The following TENM3 variants were observed in gnomAD, a reference collection of about 807,000 sequenced individuals.
The protein encoded by TENM3 is teneurin transmembrane protein 3, also known as teneurin-3.
Under a neutral mutation model 255.1 loss-of-function variants are expected in TENM3, and 63 were observed. That is an observed-to-expected ratio of 0.25 (90% CI 0.20 to 0.30). TENM3 has a LOEUF of 0.30. TENM3 is among the 10% of genes least tolerant of loss of function. The probability of loss-of-function intolerance (pLI) is 1.00; values close to 1 mark genes in which losing one functional copy is unlikely to be tolerated. For missense variants in TENM3, 2,929 were observed against 3,461.1 expected (o/e 0.85, Z 3.86); for synonymous variants, 1,306 against 1,322.3 (o/e 0.99, Z 0.27).
At chr4:182,047,418 G>A in the TENM3 span, among the ~76,000 whole-genome samples, 11 of 151,668 alleles carry the variant, frequency 7.3e-5, no homozygotes, top group Middle Eastern at 3.2e-3. Context: ...AAAAATTAGC[G>A]GGGCGTGGTG....
intron 16 of TENM3, among the ~76,000 whole-genome samples, chr4:182,731,942 A>C (rs901677377): frequency 4.0e-5 from 6 of 151,742 alleles, no homozygotes; most frequent in Non-Finnish European, 5.9e-5. Flanking sequence ...CCACCAAGCC[A>C]AGCTAATTTT....
At chr4:181,494,317 T>A in the TENM3 span, among the ~76,000 whole-genome samples, 2 of 152,172 alleles carry the variant, frequency 1.3e-5, no homozygotes, top group Non-Finnish European at 2.9e-5. Context: ...AGAGTTTTGC[T>A]CTTGTTGCCC....
the TENM3 span, among the ~76,000 whole-genome samples, chr4:182,076,221 T>C: frequency 2.7e-5 from 4 of 149,834 alleles, no homozygotes; most frequent in Admixed American, 2.0e-4. Context: ...TTCTTTTTTT[T>C]TTTTTTTTTT....
chr4:182,796,290 C>T (rs1007860887), intron 26 of TENM3, among the ~76,000 whole-genome samples: 9 of 152,194 alleles, frequency 5.9e-5, no homozygotes, highest in Non-Finnish European at 1.2e-4. Context: ...AAATAAATTT[C>T]GTTTCTTTTC....
intron 1 of TENM3, among the ~76,000 whole-genome samples, chr4:182,233,103 CAG>C (rs1756682230): frequency 6.6e-6 from 1 of 152,248 alleles, no homozygotes; most frequent in Non-Finnish European, 1.5e-5. Context: ...TCCAGGCTTC[CAG>C]ATCACCCAGA....
At chr4:182,542,194 T>C (rs139264975) in intron 3 of TENM3, among the ~76,000 whole-genome samples, 74 of 152,338 alleles carry the variant, frequency 4.9e-4, no homozygotes, top group Non-Finnish European at 8.5e-4. Flanking sequence ...TGTTTGTAAA[T>C]TGAGTGCTTA....
At chr4:181,604,030 C>T in the TENM3 span, among the ~76,000 whole-genome samples, 4 of 152,004 alleles carry the variant, frequency 2.6e-5, no homozygotes, top group Non-Finnish European at 2.9e-5. Context: ...TTTGGGAGGC[C>T]GAGGAGGGTG....
At chr4:182,156,369 C>A (rs1009366476) in intron 1 of TENM3, among the ~76,000 whole-genome samples, 3 of 151,930 alleles carry the variant, frequency 2.0e-5, no homozygotes, top group Admixed American at 1.3e-4. Context: ...TTTCGACTTT[C>A]ATTTTAGATT....
At chr4:182,221,291 A>G (rs1016972722) in intron 1 of TENM3, among the ~76,000 whole-genome samples, 1 of 152,196 alleles carries the variant, frequency 6.6e-6, no homozygotes, top group African/African-American at 2.4e-5. Context: ...GTAATATTAG[A>G]ATATTTGATC....
chr4:181,849,949 T>TCTCTCTCTCACACACACACACACACA, the TENM3 span, among the ~76,000 whole-genome samples: 13 of 65,962 alleles, frequency 2.0e-4, no homozygotes, highest in African/African-American at 2.6e-4. Context: ...TCTCTCTCTC[T>TCTCTCTCTCACACACACACACACACA]CACACACACA....
At chr4:181,666,091 C>T in the TENM3 span, among the ~76,000 whole-genome samples, 1 of 152,068 alleles carries the variant, frequency 6.6e-6, no homozygotes, top group African/African-American at 2.4e-5. Context: ...TTGACTCAAA[C>T]ACACTTTTTA....
At chr4:181,693,817 G>T in the TENM3 span, among the ~76,000 whole-genome samples, 10 of 152,266 alleles carry the variant, frequency 6.6e-5, no homozygotes, top group Non-Finnish European at 1.2e-4. Context: ...GAATAGCCTT[G>T]CATGTAATGG....
At chr4:182,733,529 A>G (rs906473292) in intron 16 of TENM3, among the ~76,000 whole-genome samples, 7 of 152,360 alleles carry the variant, frequency 4.6e-5, no homozygotes, top group African/African-American at 1.4e-4. Flanking sequence ...GTAGAAGCAG[A>G]CATGGAAGAG....
At chr4:181,497,971 C>T in the TENM3 span, among the ~76,000 whole-genome samples, 1 of 152,152 alleles carries the variant, frequency 6.6e-6, no homozygotes, top group Non-Finnish European at 1.5e-5. Context: ...TGGCTTTCTA[C>T]TGCAGTACAA....
the TENM3 span, among the ~76,000 whole-genome samples, chr4:181,994,712 C>T: frequency 6.6e-6 from 1 of 151,994 alleles, no homozygotes; most frequent in Non-Finnish European, 1.5e-5. Flanking sequence ...GAAGCAAAAA[C>T]TCAATTGCAT....
chr4:181,589,112 A>G, the TENM3 span, among the ~76,000 whole-genome samples: 1 of 152,186 alleles, frequency 6.6e-6, no homozygotes, highest in South Asian at 2.1e-4. Flanking sequence ...ACTCTAGAAC[A>G]TTTTAAAAAT....
chr4:182,038,686 A>G, the TENM3 span, among the ~76,000 whole-genome samples: 2 of 152,214 alleles, frequency 1.3e-5, no homozygotes, highest in East Asian at 1.9e-4. Context: ...ATGCAGAGCT[A>G]TAGACTTCTT....
intron 24 of TENM3, among the ~76,000 whole-genome samples, chr4:182,785,653 A>G (rs1464784130): frequency 6.9e-6 from 1 of 144,480 alleles, no homozygotes; most frequent in Non-Finnish European, 1.5e-5. Context: ...GGCTGCAGTG[A>G]GCCAAGATCA....
At chr4:182,332,829 A>T (rs925832145) in intron 2 of TENM3, among the ~76,000 whole-genome samples, 1 of 152,184 alleles carries the variant, frequency 6.6e-6, no homozygotes, top group Admixed American at 6.5e-5. Context: ...CTAAGTCTTT[A>T]AAAAGGCTAG....
Sources: gnomAD v4.1 joint callset for allele counts (sites outside exome capture counted in the v4.1 genomes callset) on GRCh38, gnomAD v4.1.1 for gene constraint, MANE v1.5 for transcripts, NCBI Gene and HGNC (gene_info 2026-07-23, HGNC 2026-07-21) for gene names.